Variants in ACAT1 observed in about 807,000 individuals in gnomAD.
ACAT1 encodes the protein acetyl-CoA acetyltransferase 1.
In ACAT1, 28 loss-of-function variants were observed where a neutral mutation model predicts 47.3. The observed-to-expected ratio is 0.59, with a 90% CI of 0.44 to 0.81. The LOEUF is 0.81. Among genes scored for constraint, ACAT1 ranks in the 30% least tolerant of loss-of-function variants. The pLI, the probability that ACAT1 is intolerant of heterozygous loss-of-function variation, is 0.00. For missense variants in ACAT1, 469 were observed against 524.3 expected, an observed-to-expected ratio of 0.89 and a Z score of 1.03; for synonymous variants, 181 against 173.6, an observed-to-expected ratio of 1.04 and a Z score of -0.34.
intron 9 of ACAT1, 91 bp from the exon 10 acceptor site, chr11:108,143,892 T>A: frequency 7.0e-7 from 1 of 1,432,390 alleles, no homozygotes; most frequent in Non-Finnish European, 9.7e-7. Flanking sequence ...CTAGGAAATG[T>A]GCATTTAATG....
At chr11:108,144,631 G>A (rs1013454303) in intron 10 of ACAT1, among the ~76,000 whole-genome samples, 1 of 151,958 alleles carries the variant, frequency 6.6e-6, no homozygotes, top group Non-Finnish European at 1.5e-5. Context: ...GTAAACTTCT[G>A]TAAGCACCCA....
intron 2 of ACAT1, 72 bp from the exon 3 acceptor site, chr11:108,133,747 AT>A: frequency 8.2e-7 from 1 of 1,224,634 alleles, no homozygotes; most frequent in East Asian, 2.4e-5. Context: ...TTTTGATAAT[AT>A]ATTTATGTTT....
chr11:108,131,174 T>C (rs905651420), intron 1 of ACAT1, among the ~76,000 whole-genome samples: 1 of 152,112 alleles, frequency 6.6e-6, no homozygotes, highest in Non-Finnish European at 1.5e-5. Context: ...TTATATGAGA[T>C]GTGTTTGCCT....
chr11:108,132,747 G>A (rs1249443762), intron 2 of ACAT1, among the ~76,000 whole-genome samples: 1 of 150,378 alleles, frequency 6.6e-6, no homozygotes, highest in Non-Finnish European at 1.5e-5. Context: ...CCAGCTACTC[G>A]GGAGGCTGAG....
intron 1 of ACAT1, among the ~76,000 whole-genome samples, chr11:108,127,461 G>T (rs2077272723): frequency 6.6e-6 from 1 of 151,858 alleles, no homozygotes; most frequent in Non-Finnish European, 1.5e-5. Flanking sequence ...GTAGATATGG[G>T]GTTTCACCGT....
At chr11:108,135,739 A>G (rs1550608) in intron 5 of ACAT1, among the ~76,000 whole-genome samples, 78,008 of 151,722 alleles carry the variant, frequency 0.51, 22,157 homozygotes, top group East Asian at 0.88. Context: ...GAGGCACAAG[A>G]GTCACTTGCA....
intron 1 of ACAT1, among the ~76,000 whole-genome samples, chr11:108,124,326 C>T (rs1050778017): frequency 2.0e-5 from 3 of 152,136 alleles, no homozygotes; most frequent in Admixed American, 2.0e-4. Flanking sequence ...TGCAGTGGCA[C>T]GATCTTGGCT....
chr11:108,142,591 C>G, intron 9 of ACAT1, 41 bp downstream of exon 9: 2 of 1,517,184 alleles, frequency 1.3e-6, no homozygotes, highest in East Asian at 4.5e-5. Flanking sequence ...AATCCCAGCA[C>G]TTTCGGAGGT....
chr11:108,122,863 T>G (rs2077177227), intron 1 of ACAT1, among the ~76,000 whole-genome samples: 1 of 152,022 alleles, frequency 6.6e-6, no homozygotes, highest in Admixed American at 6.6e-5. Flanking sequence ...GTGACATAGG[T>G]GAACTAGGTA....
chr11:108,124,689 C>T (rs986424885), intron 1 of ACAT1, among the ~76,000 whole-genome samples: 4 of 152,166 alleles, frequency 2.6e-5, no homozygotes, highest in Non-Finnish European at 5.9e-5. Context: ...AGGCCAGAAT[C>T]TAGACCCTTA....
chr11:108,118,268 A>C (rs1051036608), upstream of ACAT1, among the ~76,000 whole-genome samples: 12 of 152,296 alleles, frequency 7.9e-5, no homozygotes, highest in African/African-American at 2.2e-4. Context: ...ACTAGTACTA[A>C]TAATAATAAA....
In ACAT1 at chr11:108,138,028, A is replaced by G. The variant is rs539044772; in HGVS notation, c.436-870A>G. Among the ~76,000 whole-genome samples, 430 of 151,940 alleles carry G rather than the reference A, an allele frequency of 2.8e-3. 1 individual carries two copies. Among genetic ancestry groups the G allele is most frequent in the South Asian group, 9.2e-3 (44 of 4,774 alleles). ...TTTAAAGACAGAGTCTTGCTTTGTC[A>G]CCCAGGCTGAAGTGCAGTGGTGCGA... On this transcript the variant is annotated intron_variant, in intron 5 of 11. Coordinates refer to ENST00000265838, the MANE Select transcript of ACAT1 (RefSeq NM_000019.4).
chr11:108,144,273 A>G lies in ACAT1; in HGVS notation c.1005+226A>G. 5.3e-6 allele frequency: 3 copies of G among 568,920 alleles called. 1 individual carries two copies. The South Asian group carries it at 6.2e-5, about 12-fold the overall frequency. The allele number at this position is 568,920 out of a possible 1,614,324, so 35.2% of individuals were successfully genotyped here. ...AACTACATCTTCAGTAGAACAGGTA[A>G]AACTACACATCTGAATTACTTGTAA... On this transcript the variant is annotated intron_variant, in intron 10 of 11. Transcript: ENST00000265838.
In ACAT1 at chr11:108,147,454, C is replaced by A. The variant is rs747994310; in HGVS notation, c.*64C>A. On this transcript the variant is annotated 3_prime_UTR_variant, in exon 12 of 12. Coordinates refer to ENST00000265838, the MANE Select transcript of ACAT1 (RefSeq NM_000019.4). Reference sequence around the variant, plus strand: ...AGAAGGCCTGCTGTAATCAGTGTGACTACTGTGGGTCAGCTTATATTCAGA... The same window carrying A: ...AGAAGGCCTGCTGTAATCAGTGTGAATACTGTGGGTCAGCTTATATTCAGA... 31 of 1,591,670 alleles carry A rather than the reference C, an allele frequency of 1.9e-5. No homozygotes were observed. The highest frequency in any genetic ancestry group is 2.6e-5 in the Non-Finnish European group (30 of 1,163,596).
At position 108,145,297 on chromosome 11, in the gene ACAT1, C is replaced by T. The variant is rs2077682137; in HGVS notation, c.1006-905C>T. On this transcript the variant is annotated intron_variant, in intron 10 of 11. Transcript: ENST00000265838. The stretch of plus-strand genomic sequence containing the variant: ...AATATCTGTGGCCCAGATAACCCTA[C>T]AGTAACATTTATAAAGCAGAAACTG... Among the ~76,000 whole-genome samples, 3 of 152,180 alleles carry T rather than the reference C, an allele frequency of 2.0e-5. No homozygotes were observed. In the South Asian group the frequency reaches 6.2e-4, roughly 31 times the overall value.
At chr11:108,141,788 C>G (rs201162996) in intron 8 of ACAT1, 88 bp downstream of exon 8, 1 of 441,790 alleles carries the variant, frequency 2.3e-6, no homozygotes, top group Non-Finnish European at 3.8e-6. Context: ...TTGAAAAATT[C>G]TAGAAAACAT....
intron 10 of ACAT1, among the ~76,000 whole-genome samples, chr11:108,144,743 A>G (rs2077669515): frequency 6.6e-6 from 1 of 152,148 alleles, no homozygotes; most frequent in Admixed American, 6.5e-5. Context: ...AAACAAGAAT[A>G]GAGAAGATCA....
At chr11:108,141,448 TTA>T (rs1275863525) in intron 7 of ACAT1, among the ~76,000 whole-genome samples, 155 bp from the exon 8 acceptor site, 1 of 150,310 alleles carries the variant, frequency 6.7e-6, no homozygotes, top group Non-Finnish European at 1.5e-5. Context: ...ATAATAGAGG[TTA>T]TAGTTAACAG....
At chr11:108,143,208 G>C (rs1404998091) in intron 9 of ACAT1, 1 of 152,298 alleles carries the variant, frequency 6.6e-6, no homozygotes, top group African/African-American at 2.4e-5. Context: ...GGAGGCTAAG[G>C]CTGACGATCA....
Sources: gnomAD v4.1 joint callset for allele counts (sites outside exome capture counted in the v4.1 genomes callset) on GRCh38, gnomAD v4.1.1 for gene constraint, MANE v1.5 for transcripts, NCBI Gene and HGNC (gene_info 2026-07-23, HGNC 2026-07-21) for gene names.